APP: variants seen among roughly 807,000 people sequenced by gnomAD.
APP encodes amyloid beta precursor protein.
Under a neutral mutation model 101.4 loss-of-function variants are expected in APP, and 31 were observed. That is an observed-to-expected ratio of 0.31 (90% CI 0.23 to 0.41). APP has a LOEUF of 0.41. Among genes scored for constraint, APP ranks in the 10% least tolerant of loss-of-function variants. APP has a pLI of 1.00. For synonymous variants in APP, 366 were observed against 364.4 expected, an observed-to-expected ratio of 1.00 and a Z score of -0.05; for missense variants, 839 against 1,003.7, an observed-to-expected ratio of 0.84 and a Z score of 2.22.
At chr21:26,111,925 G>C in intron 2 of APP, 54 bp downstream of exon 2, 1 of 1,602,416 alleles carries the variant, frequency 6.2e-7, no homozygotes, top group Non-Finnish European at 8.5e-7. Context: ...TAAATTTTTT[G>C]AAAACAAATG....
At chr21:26,139,909 AACAAAC>A (rs2063003358) in intron 1 of APP, among the ~76,000 whole-genome samples, 1 of 151,904 alleles carries the variant, frequency 6.6e-6, no homozygotes, top group Non-Finnish European at 1.5e-5. Flanking sequence ...CAAACAAACA[AACAAAC>A]AAACAATTTT....
chr21:25,967,676 T>A (rs2041846398), intron 11 of APP, among the ~76,000 whole-genome samples: 1 of 152,212 alleles, frequency 6.6e-6, no homozygotes, highest in African/African-American at 2.4e-5. Context: ...GGACATATCA[T>A]CATCTTCTGT....
In APP at chr21:26,112,164, A is replaced by G. The variant is rs1430691256; in HGVS notation, c.58-18T>C. On this transcript the variant is annotated intron_variant, in intron 1 of 17. Coordinates refer to ENST00000346798, the MANE Select transcript of APP (RefSeq NM_000484.4). ...GTGGGTACCTGAAAGAAGAAGCTTC[A>G]GTTAGTTATAGTATCCATAGCTCCA... 3 of 1,613,032 alleles carry G rather than the reference A, an allele frequency of 1.9e-6. No individual in the cohort carries two copies. The highest frequency in any genetic ancestry group is 2.5e-6 in the Non-Finnish European group (3 of 1,179,668).
intron 1 of APP, among the ~76,000 whole-genome samples, chr21:26,139,396 C>T (rs562367780): frequency 5.3e-5 from 8 of 152,042 alleles, no homozygotes; most frequent in Non-Finnish European, 1.2e-4. Flanking sequence ...AAATGTGGTC[C>T]ACAGATAAGG....
chr21:26,160,265 A>C (rs2063464252), intron 1 of APP, among the ~76,000 whole-genome samples: 1 of 152,200 alleles, frequency 6.6e-6, no homozygotes. Flanking sequence ...CCACAATTCA[A>C]CTAGCAGCAG....
chr21:26,016,215 T>C (rs567735014), intron 6 of APP, among the ~76,000 whole-genome samples: 29 of 152,274 alleles, frequency 1.9e-4, no homozygotes, highest in African/African-American at 5.8e-4. Flanking sequence ...GTATTTTTAG[T>C]GAAGACGGGG....
intron 9 of APP, among the ~76,000 whole-genome samples, chr21:25,976,859 T>TGG (rs1325097738): frequency 1.3e-5 from 2 of 152,258 alleles, no homozygotes; most frequent in East Asian, 3.9e-4. Context: ...AGTATCATTA[T>TGG]GGGGGGAGTG....
At chr21:26,109,379 C>G (rs1312029244) in intron 2 of APP, among the ~76,000 whole-genome samples, 1 of 152,022 alleles carries the variant, frequency 6.6e-6, no homozygotes, top group Non-Finnish European at 1.5e-5. Context: ...TCATGAGATC[C>G]GGGTGTTTGA....
In APP at chr21:25,975,211, C is replaced by T; in HGVS notation, c.1317G>A (p.Val439=). The T allele has an allele frequency of 1.2e-6, 2 of 1,614,142 alleles. No homozygotes were observed. The highest frequency in any genetic ancestry group is 1.3e-5 in the African/African-American group (1 of 75,028). Residue 439 remains valine (V), a synonymous_variant, in exon 11 of 18, where the codon GTG becomes GTA. Coordinates refer to ENST00000346798, the MANE Select transcript of APP (RefSeq NM_000484.4). ...TGGCTGCTTCCTGTTCCAAAGATTC[C>T]ACTTTCTCCTGGAAATGCTGCCATC... is the stretch of plus-strand genomic sequence containing the variant. ...KAVIQHFQEK[V]ESLEQEAANE...
chr21:26,138,255 T>C (rs1043101295), intron 1 of APP, among the ~76,000 whole-genome samples: 3 of 152,122 alleles, frequency 2.0e-5, no homozygotes, highest in African/African-American at 7.2e-5. Flanking sequence ...ATGTGGTCAA[T>C]TTTTGAAGCT....
intron 5 of APP, among the ~76,000 whole-genome samples, chr21:26,049,287 A>C (rs964050964): frequency 2.6e-5 from 4 of 152,142 alleles, no homozygotes; most frequent in African/African-American, 9.7e-5. Context: ...GGATAGAAGA[A>C]GGTACAAGAG....
chr21:26,090,086 C>T lies in APP; in HGVS notation c.226-14G>A, dbSNP rs1347814527. The T allele has an allele frequency of 1.9e-6, 3 of 1,613,716 alleles. No individual in the cohort carries two copies. In the Admixed American group the frequency reaches 5.0e-5, roughly 27 times the overall value. ...TTCAGGGTAGACCTGGGAGAGCACACAAAAAGAATCAATTGTTACTTGAGG... is the reference window on the plus strand; with the variant it reads ...TTCAGGGTAGACCTGGGAGAGCACATAAAAAGAATCAATTGTTACTTGAGG... On this transcript the variant is annotated splice_polypyrimidine_tract_variant and intron_variant, in intron 2 of 17. Coordinates refer to ENST00000346798, the MANE Select transcript of APP (RefSeq NM_000484.4).
intron 1 of APP, among the ~76,000 whole-genome samples, chr21:26,127,213 G>A (rs2062703298): frequency 6.7e-6 from 1 of 149,654 alleles, no homozygotes; most frequent in Non-Finnish European, 1.5e-5. Flanking sequence ...AAAAAAAAAT[G>A]AGGTGGTAAC....
At chr21:26,136,164 G>GAAAAGA (rs756453136) in intron 1 of APP, among the ~76,000 whole-genome samples, 73 of 81,048 alleles carry the variant, frequency 9.0e-4, no homozygotes, top group East Asian at 4.0e-3. Flanking sequence ...GAAAAGAAAA[G>GAAAAGA]AAAGAAAAGA....
At chr21:26,047,772 T>TA (rs1568906911) in intron 5 of APP, among the ~76,000 whole-genome samples, 1 of 152,120 alleles carries the variant, frequency 6.6e-6, no homozygotes, top group African/African-American at 2.4e-5. Flanking sequence ...TGTCCAAATA[T>TA]AGTAGTCACC....
chr21:26,054,425 A>C (rs956338760), intron 3 of APP, among the ~76,000 whole-genome samples: 1 of 152,242 alleles, frequency 6.6e-6, no homozygotes, highest in East Asian at 1.9e-4. Context: ...CTTCAAAATG[A>C]GGGAGCCTCC....
At chr21:26,167,296 C>T (rs2063638677) in intron 1 of APP, among the ~76,000 whole-genome samples, 1 of 152,032 alleles carries the variant, frequency 6.6e-6, no homozygotes. Flanking sequence ...GGTATGCAGT[C>T]GAACTAAACC....
At chr21:26,069,310 A>G (rs186995477) in intron 3 of APP, among the ~76,000 whole-genome samples, 84 of 152,288 alleles carry the variant, frequency 5.5e-4, no homozygotes, top group African/African-American at 1.9e-3. Context: ...TGGTCCTCAG[A>G]TCATGTAATA....
chr21:26,136,130 C>CAAAAAAAAAAAAAAA (rs566248174), intron 1 of APP, among the ~76,000 whole-genome samples: 1 of 50,410 alleles, frequency 2.0e-5, no homozygotes, highest in Non-Finnish European at 3.1e-5. Context: ...GACTCTGTCT[C>CAAAAAAAAAAAAAAA]AAAAAAGAAA....
Sources: allele counts gnomAD v4.1 joint callset (sites outside exome capture counted in the v4.1 genomes callset), GRCh38; gene constraint gnomAD v4.1.1; transcripts MANE v1.5; gene names NCBI Gene and HGNC (gene_info 2026-07-23, HGNC 2026-07-21).